The following NOX5 variants were observed in gnomAD, a reference collection of about 807,000 sequenced individuals.
The protein encoded by NOX5 is NADPH oxidase, EF-hand calcium binding domain 5.
NOX5 carries 76 observed loss-of-function variants against 85.7 expected under a neutral mutation model. The observed-to-expected ratio is 0.89, with a 90% CI of 0.74 to 1.07. NOX5 has a LOEUF of 1.07. Ranked by LOEUF, NOX5 falls within the 50% of genes least tolerant of loss-of-function variation. The probability of loss-of-function intolerance (pLI) is 0.00; values close to 1 mark genes in which losing one functional copy is unlikely to be tolerated. For synonymous variants in NOX5, 405 were observed against 401.4 expected (o/e 1.01, Z -0.11); for missense variants, 973 against 999.5 (o/e 0.97, Z 0.36).
intron 14 of NOX5, among the ~76,000 whole-genome samples, chr15:69,052,775 C>T (rs2050765206): frequency 6.6e-6 from 1 of 152,194 alleles, no homozygotes; most frequent in Non-Finnish European, 1.5e-5. Context: ...AGTAAAGCTC[C>T]TTGCCCTTTC....
At chr15:69,045,665 TTCTTTCTTTCAC>T (rs2050664455) in intron 10 of NOX5, among the ~76,000 whole-genome samples, 2 of 151,264 alleles carry the variant, frequency 1.3e-5, no homozygotes, top group South Asian at 2.1e-4. Flanking sequence ...CCCTCTCTCT[TTCTTTCTTTCAC>T]TCTTTCTTTC....
chr15:69,026,804 A>G (rs1454523294), intron 2 of NOX5, among the ~76,000 whole-genome samples, 153 bp downstream of exon 2: 4 of 152,188 alleles, frequency 2.6e-5, no homozygotes, highest in African/African-American at 4.8e-5. Flanking sequence ...GCACCCTCCC[A>G]TTCCTCTTAA....
intron 14 of NOX5, among the ~76,000 whole-genome samples, chr15:69,049,303 A>C (rs1006509086): frequency 6.7e-6 from 1 of 148,930 alleles, no homozygotes; most frequent in Non-Finnish European, 1.5e-5. Flanking sequence ...GCAATCCTCC[A>C]CCTTGGCCTC....
Position 69,026,518 on chromosome 15 carries a change from TGC to T in NOX5, c.51-9_51-8del. 1 of 1,614,070 alleles carries T rather than the reference TGC, an allele frequency of 6.2e-7. No homozygotes were observed. Among genetic ancestry groups the T allele is most frequent in the East Asian group, 2.2e-5 (1 of 44,864 alleles). On this transcript the variant is annotated splice_region_variant and splice_polypyrimidine_tract_variant and intron_variant, in intron 1 of 15. Coordinates refer to ENST00000388866, the MANE Select transcript of NOX5 (RefSeq NM_024505.4). Reference sequence around the variant, plus strand: ...CCCAAGCCCATAAACCTGTTTCCTTTGCCTCCCAGCACCATGAGTGCCGAGGA... The same window carrying T: ...CCCAAGCCCATAAACCTGTTTCCTTTCTCCCAGCACCATGAGTGCCGAGGA...
chr15:69,040,100 C>G (rs1435049754), intron 9 of NOX5, among the ~76,000 whole-genome samples: 1 of 152,224 alleles, frequency 6.6e-6, no homozygotes, highest in Non-Finnish European at 1.5e-5. Flanking sequence ...GGACCCCTGG[C>G]CCAGATCCCT....
In NOX5 at chr15:69,047,427, G is replaced by A. The variant is rs1432293837; in HGVS notation, c.1707G>A (p.Gly569=). The change falls in exon 12 of 16, where the codon GGG becomes GGA. Residue 569 remains glycine, a synonymous_variant. Transcript: ENST00000388866. ...CTTGTGCACAGTGCTACATCGATGG[G>A]CCTTATGGGACCCCCACCCGCAGGA... is the stretch of plus-strand genomic sequence containing the variant. The part of the protein sequence containing the change: ...KFCNIKCYID[G]PYGTPTRRIF... 4 of 1,613,470 alleles carry A rather than the reference G, an allele frequency of 2.5e-6. No homozygotes were observed. The highest frequency in any genetic ancestry group is 1.3e-5 in the African/African-American group (1 of 74,894).
At chr15:69,020,774 G>A (rs1258850278) in intron 1 of NOX5, among the ~76,000 whole-genome samples, 2 of 151,932 alleles carry the variant, frequency 1.3e-5, no homozygotes, top group Non-Finnish European at 2.9e-5. Context: ...TTAAACTAGA[G>A]AAACTAAATA....
At chr15:69,018,110 G>A (rs368809822) in intron 1 of NOX5, among the ~76,000 whole-genome samples, 6 of 152,130 alleles carry the variant, frequency 3.9e-5, no homozygotes, top group South Asian at 2.1e-4. Context: ...GGACCGGACC[G>A]CACTCATGGA....
chr15:69,055,277 C>G, intron 14 of NOX5, 57 bp from the exon 15 acceptor site: 1 of 1,569,224 alleles, frequency 6.4e-7, no homozygotes, highest in Non-Finnish European at 8.7e-7. Flanking sequence ...GGCATCCTGC[C>G]CTGCGCCCAT....
intron 3 of NOX5, chr15:69,030,043 AG>A (rs1178598858): frequency 6.6e-6 from 1 of 152,118 alleles, no homozygotes; most frequent in Non-Finnish European, 1.5e-5. Context: ...CTGTACTTAT[AG>A]TGTCATTTTT....
At chr15:69,022,463 A>G (rs946664603) in intron 1 of NOX5, 31 of 176,370 alleles carry the variant, frequency 1.8e-4, no homozygotes, top group African/African-American at 7.1e-4. Context: ...CCATTCTGGG[A>G]CCCGCAAGTG....
chr15:69,044,113 G>A (rs1426282645), intron 10 of NOX5, among the ~76,000 whole-genome samples: 1 of 151,916 alleles, frequency 6.6e-6, no homozygotes, highest in African/African-American at 2.4e-5. Flanking sequence ...GAACCCAGGA[G>A]GCAGAGGTTG....
At chr15:69,044,196 A>G (rs980675378) in intron 10 of NOX5, among the ~76,000 whole-genome samples, 3 of 151,742 alleles carry the variant, frequency 2.0e-5, no homozygotes, top group Non-Finnish European at 4.4e-5. Flanking sequence ...AAAAAAAAAA[A>G]GCTAATTGGA....
chr15:69,040,106 T>A (rs886129443), intron 9 of NOX5, among the ~76,000 whole-genome samples: 14 of 152,312 alleles, frequency 9.2e-5, no homozygotes, highest in African/African-American at 3.4e-4. Context: ...CTGGCCCAGA[T>A]CCCTCAGCTC....
At chr15:69,034,504 T>G (rs1202206217) in intron 5 of NOX5, among the ~76,000 whole-genome samples, 1 of 152,236 alleles carries the variant, frequency 6.6e-6, no homozygotes, top group Non-Finnish European at 1.5e-5. Context: ...GCTGGGAAAC[T>G]TTTAAAGCTA....
chr15:69,047,716 C>A, intron 12 of NOX5, 114 bp from the exon 13 acceptor site: 1 of 1,325,854 alleles, frequency 7.5e-7, no homozygotes, highest in Non-Finnish European at 1.1e-6. Context: ...CCTCCCCTTC[C>A]TCATAGAGTG....
chr15:69,025,776 C>T (rs1189462643), intron 1 of NOX5, among the ~76,000 whole-genome samples: 2 of 152,152 alleles, frequency 1.3e-5, no homozygotes, highest in East Asian at 3.9e-4. Flanking sequence ...TTTCCTGGGT[C>T]CTAATGCTAG....
chr15:69,054,900 T>C (rs569041792), intron 14 of NOX5, among the ~76,000 whole-genome samples: 1 of 152,262 alleles, frequency 6.6e-6, no homozygotes, highest in Admixed American at 6.5e-5. Context: ...CATGCTCACT[T>C]CCCTGGGATG....
intron 3 of NOX5, 117 bp downstream of exon 3, chr15:69,028,482 G>A: frequency 2.0e-6 from 2 of 999,370 alleles, no homozygotes; most frequent in Non-Finnish European, 2.9e-6. Context: ...AGCCCAGCCT[G>A]GGACTGGTTT....
Sources: gnomAD v4.1 joint callset for allele counts (sites outside exome capture counted in the v4.1 genomes callset) on GRCh38, gnomAD v4.1.1 for gene constraint, MANE v1.5 for transcripts, NCBI Gene and HGNC (gene_info 2026-07-23, HGNC 2026-07-21) for gene names.